Variants in RARB observed in about 807,000 individuals in gnomAD.
The protein encoded by RARB is HBV-activated protein.
RARB carries 17 observed loss-of-function variants against 51.9 expected under a neutral mutation model. The ratio of observed to expected loss-of-function variants is 0.33; its 90% CI spans 0.22 to 0.49. The LOEUF is 0.49. Among genes scored for constraint, RARB ranks in the 20% least tolerant of loss-of-function variants. The pLI is 0.99. For synonymous variants in RARB, 215 were observed against 195.4 expected, an observed-to-expected ratio of 1.10 and a Z score of -0.84; for missense variants, 369 against 550.8, an observed-to-expected ratio of 0.67 and a Z score of 3.30.
chr3:25,082,990 C>T (rs908895542), intron 3 of RARB, among the ~76,000 whole-genome samples: 1 of 152,064 alleles, frequency 6.6e-6, no homozygotes, highest in African/African-American at 2.4e-5. Flanking sequence ...TAGAGATGTT[C>T]TTATATTGCC....
chr3:25,014,782 A>ATT (rs1697472335), intron 2 of RARB, among the ~76,000 whole-genome samples: 1 of 152,020 alleles, frequency 6.6e-6, no homozygotes, highest in South Asian at 2.1e-4. Flanking sequence ...CAACAATAGG[A>ATT]TTGATAATAG....
In RARB at chr3:25,239,152, T is replaced by C. The variant is rs113953639; in HGVS notation, c.178+64577T>C. 7.2e-5 allele frequency among the ~76,000 whole-genome samples: 11 copies of C among 152,316 alleles called. 1 individual carries two copies. Among genetic ancestry groups the C allele is most frequent in the African/African-American group, 2.6e-4 (11 of 41,572 alleles). On this transcript the variant is annotated intron_variant, in intron 5 of 11. Coordinates refer to the RARB transcript ENST00000383772. The stretch of plus-strand genomic sequence containing the variant: ...GTCCTTTGCCCACTTTTTAATGGGA[T>C]TGTTTATTACTATTAAATTGTTTGA...
intron 2 of RARB, among the ~76,000 whole-genome samples, chr3:24,940,467 G>T (rs536391151): frequency 1.3e-5 from 2 of 152,044 alleles, no homozygotes; most frequent in South Asian, 4.1e-4. Context: ...GGGATAGGAA[G>T]GATTTCATAC....
intron 5 of RARB, among the ~76,000 whole-genome samples, chr3:25,254,720 G>C (rs1702818427): frequency 1.3e-5 from 2 of 152,054 alleles, no homozygotes; most frequent in Admixed American, 6.6e-5. Flanking sequence ...GTCAGAGACT[G>C]TATCACAAAA....
At chr3:24,892,175 G>T (rs1703394760) in intron 2 of RARB, among the ~76,000 whole-genome samples, 1 of 150,824 alleles carries the variant, frequency 6.6e-6, no homozygotes, top group Non-Finnish European at 1.5e-5. Context: ...CATCCACCCA[G>T]GGAAGTAGAA....
At chr3:25,188,830 A>G (rs1260895917) in intron 5 of RARB, among the ~76,000 whole-genome samples, 2 of 152,160 alleles carry the variant, frequency 1.3e-5, no homozygotes, top group Non-Finnish European at 1.5e-5. Context: ...GAAAGATTTT[A>G]TGACCACTTG....
At chr3:25,004,445 T>A (rs957896519) in intron 2 of RARB, among the ~76,000 whole-genome samples, 3 of 152,112 alleles carry the variant, frequency 2.0e-5, no homozygotes, top group African/African-American at 7.2e-5. Flanking sequence ...GTGGTGAAAG[T>A]CATCACATGG....
intron 2 of RARB, among the ~76,000 whole-genome samples, chr3:24,981,674 A>G (rs1696677556): frequency 6.6e-6 from 1 of 152,118 alleles, no homozygotes; most frequent in Non-Finnish European, 1.5e-5. Flanking sequence ...GCATGGCTCT[A>G]CCAGGCACAG....
intron 3 of RARB, among the ~76,000 whole-genome samples, chr3:25,557,041 G>C (rs1179612673): frequency 6.6e-6 from 1 of 152,024 alleles, no homozygotes; most frequent in Admixed American, 6.6e-5. Context: ...TCTTGCATAA[G>C]GCAGTTTCTC....
At chr3:25,137,306 T>C (rs1700044344) in intron 4 of RARB, among the ~76,000 whole-genome samples, 1 of 152,082 alleles carries the variant, frequency 6.6e-6, no homozygotes, top group Non-Finnish European at 1.5e-5. Flanking sequence ...AGGACAGAGC[T>C]TGATATTTTA....
intron 5 of RARB, among the ~76,000 whole-genome samples, chr3:25,215,071 C>T (rs143199036): frequency 1.8e-4 from 28 of 152,252 alleles, no homozygotes; most frequent in African/African-American, 6.5e-4. Context: ...ATTGATTTCA[C>T]TCAAGTTAGT....
chr3:25,184,058 G>GC (rs766585223), intron 5 of RARB, among the ~76,000 whole-genome samples: 2 of 151,860 alleles, frequency 1.3e-5, no homozygotes, highest in African/African-American at 2.4e-5. Context: ...GGTTAACTTG[G>GC]CCCCTACCAT....
At chr3:25,361,709 TGTTA>T (rs1371815585) in intron 5 of RARB, among the ~76,000 whole-genome samples, 6 of 152,214 alleles carry the variant, frequency 3.9e-5, no homozygotes, top group African/African-American at 1.4e-4. Flanking sequence ...GCTTTCTGTT[TGTTA>T]GTTTTCTTTC....
intron 2 of RARB, among the ~76,000 whole-genome samples, chr3:25,473,120 ATCTCCTACCATAATAGTT>A (rs1400886262): frequency 1.3e-5 from 2 of 152,116 alleles, no homozygotes; most frequent in African/African-American, 4.8e-5. Flanking sequence ...TCTTGTCACT[ATCTCCTACCATAATAGTT>A]TCTTTGGGAT....
At chr3:24,949,190 A>G (rs1695836353) in intron 2 of RARB, among the ~76,000 whole-genome samples, 1 of 152,174 alleles carries the variant, frequency 6.6e-6, no homozygotes, top group South Asian at 2.1e-4. Flanking sequence ...TTCCAATGTC[A>G]AAGGTATTGG....
intron 2 of RARB, among the ~76,000 whole-genome samples, chr3:25,033,353 A>C (rs560274744): frequency 6.6e-6 from 1 of 152,312 alleles, no homozygotes; most frequent in African/African-American, 2.4e-5. Flanking sequence ...TTTCTCATAG[A>C]AATTAGACCT....
intron 2 of RARB, among the ~76,000 whole-genome samples, chr3:25,045,903 T>A (rs2125297255): frequency 6.6e-6 from 1 of 152,378 alleles, no homozygotes; most frequent in East Asian, 1.9e-4. Flanking sequence ...AATCACAACA[T>A]GACTTAGTAT....
At chr3:25,504,603 C>T (rs1381997541) in intron 3 of RARB, among the ~76,000 whole-genome samples, 1 of 152,014 alleles carries the variant, frequency 6.6e-6, no homozygotes, top group East Asian at 1.9e-4. Flanking sequence ...GCAAAAATGA[C>T]CTCATGTCCA....
At chr3:25,292,830 A>G (rs1052068232) in intron 5 of RARB, among the ~76,000 whole-genome samples, 1 of 152,158 alleles carries the variant, frequency 6.6e-6, no homozygotes, top group African/African-American at 2.4e-5. Flanking sequence ...ATGAGAAAAC[A>G]TGGTCCTGCC....
Sources: gnomAD v4.1 joint callset for allele counts (sites outside exome capture counted in the v4.1 genomes callset) on GRCh38, gnomAD v4.1.1 for gene constraint, MANE v1.5 for transcripts, NCBI Gene and HGNC (gene_info 2026-07-23, HGNC 2026-07-21) for gene names.